Variants in GPHN observed in about 807,000 individuals in gnomAD.
GPHN encodes gephyrin.
GPHN carries 17 observed loss-of-function variants against 95.5 expected under a neutral mutation model. The ratio of observed to expected loss-of-function variants is 0.18; its 90% CI spans 0.12 to 0.27. GPHN has a LOEUF of 0.27. Ranked by LOEUF, GPHN falls within the 10% of genes least tolerant of loss-of-function variation. GPHN has a pLI of 1.00. For synonymous variants in GPHN, 320 were observed against 322.5 expected, an observed-to-expected ratio of 0.99 and a Z score of 0.08; for missense variants, 660 against 978.1, an observed-to-expected ratio of 0.67 and a Z score of 4.34.
chr14:67,184,232 A>T (rs772050471), downstream of GPHN, among the ~76,000 whole-genome samples: 3 of 152,244 alleles, frequency 2.0e-5, no homozygotes, highest in Non-Finnish European at 4.4e-5. Flanking sequence ...ATTAAAGTTA[A>T]TTTGGTATTA....
chr14:67,033,360 TC>T (rs1338793593), intron 10 of GPHN, among the ~76,000 whole-genome samples: 1 of 152,114 alleles, frequency 6.6e-6, no homozygotes, highest in Non-Finnish European at 1.5e-5. Context: ...GTCCAGGGAT[TC>T]GAGACTAGCC....
intron 11 of GPHN, among the ~76,000 whole-genome samples, chr14:67,086,141 T>C (rs911418839): frequency 5.3e-5 from 8 of 152,206 alleles, no homozygotes; most frequent in Non-Finnish European, 1.0e-4. Flanking sequence ...CACCATTGAT[T>C]ATTGTGGATA....
chr14:67,140,600 A>G (rs1047856160), intron 17 of GPHN, among the ~76,000 whole-genome samples: 3 of 152,184 alleles, frequency 2.0e-5, no homozygotes, highest in Non-Finnish European at 4.4e-5. Flanking sequence ...ATCTTTTTCT[A>G]CTAACATAAA....
chr14:67,349,100 T>C, the GPHN span: 2 of 1,613,940 alleles, frequency 1.2e-6, no homozygotes, highest in Non-Finnish European at 1.7e-6. Context: ...TGGATAACTG[T>C]AGTGCTGCAG....
At chr14:66,527,187 G>A (rs1027038177) in intron 1 of GPHN, among the ~76,000 whole-genome samples, 5 of 152,040 alleles carry the variant, frequency 3.3e-5, no homozygotes. Context: ...ACTTCTTTCT[G>A]GTTTAGACTT....
At chr14:67,524,628 C>T in the GPHN span, among the ~76,000 whole-genome samples, 1 of 152,228 alleles carries the variant, frequency 6.6e-6, no homozygotes, top group East Asian at 1.9e-4. Context: ...TTGAAAGTTG[C>T]GAGATGGGCT....
chr14:66,527,660 C>G (rs568543673), intron 1 of GPHN, among the ~76,000 whole-genome samples: 2 of 151,972 alleles, frequency 1.3e-5, no homozygotes, highest in Non-Finnish European at 2.9e-5. Flanking sequence ...GATTCTGGTA[C>G]GTTGTGTCTT....
At chr14:67,698,692 T>C in the GPHN span, among the ~76,000 whole-genome samples, 66 of 152,360 alleles carry the variant, frequency 4.3e-4, no homozygotes, top group African/African-American at 1.5e-3. Context: ...GGAGCTGTTA[T>C]ACTTCTCCTG....
chr14:67,186,177 T>A (rs993330124), downstream of GPHN, among the ~76,000 whole-genome samples: 7 of 152,120 alleles, frequency 4.6e-5, no homozygotes, highest in African/African-American at 1.4e-4. Flanking sequence ...GGCTCCATGT[T>A]AGGCACCGAG....
intron 18 of GPHN, among the ~76,000 whole-genome samples, chr14:67,152,636 C>T (rs1320310574): frequency 6.6e-6 from 1 of 152,168 alleles, no homozygotes; most frequent in Non-Finnish European, 1.5e-5. Flanking sequence ...ATTACATCTC[C>T]ACTGGGCAGA....
the GPHN span, among the ~76,000 whole-genome samples, chr14:67,367,844 AAAAG>A: frequency 1.3e-5 from 2 of 152,170 alleles, no homozygotes; most frequent in East Asian, 1.9e-4. Context: ...TCAAAAAAAA[AAAAG>A]AGAGAGGTGA....
At chr14:67,424,597 TAAA>T in the GPHN span, among the ~76,000 whole-genome samples, 4 of 124,890 alleles carry the variant, frequency 3.2e-5, no homozygotes, top group Non-Finnish European at 5.0e-5. Context: ...AGACGCTGTT[TAAA>T]AAAAAAAAAA....
intron 2 of GPHN, among the ~76,000 whole-genome samples, chr14:66,725,570 G>A (rs549913453): frequency 2.0e-5 from 3 of 152,164 alleles, no homozygotes; most frequent in South Asian, 4.2e-4. Context: ...TGAAACCTCC[G>A]CCTCCTGGGT....
intron 1 of GPHN, among the ~76,000 whole-genome samples, chr14:66,592,090 G>T (rs879510928): frequency 6.6e-6 from 1 of 152,146 alleles, no homozygotes; most frequent in Admixed American, 6.5e-5. Context: ...TGGGAAAACT[G>T]GCTAGCCATA....
At chr14:67,078,743 C>T (rs1016843190) in intron 11 of GPHN, among the ~76,000 whole-genome samples, 4 of 152,082 alleles carry the variant, frequency 2.6e-5, no homozygotes, top group African/African-American at 7.2e-5. Flanking sequence ...ATGAGAGATA[C>T]GGATATAGCA....
chr14:67,289,464 A>G, the GPHN span, among the ~76,000 whole-genome samples: 1 of 152,110 alleles, frequency 6.6e-6, no homozygotes, highest in Admixed American at 6.6e-5. Context: ...GAGCATCTGC[A>G]AATTTTTCTG....
rs1226158066 is a variant in GPHN at position 66,508,343 on chromosome 14, C to T, written c.-185C>T. 1.6e-5 allele frequency: 10 copies of T among 639,880 alleles called. No individual in the cohort carries two copies. The East Asian group carries it at 1.9e-4, about 12-fold the overall frequency. The allele number at this position is 639,880 out of a possible 1,614,324, so 39.6% of individuals were successfully genotyped here. A position where few individuals can be genotyped will look rare whatever the true frequency, so the allele number is the denominator to read the frequency against. On this transcript the variant is annotated 5_prime_UTR_variant, in exon 1 of 23. Transcript: ENST00000478722. ...CCCCTCCCGCGGACCCGCGCACTCC[C>T]GGCGCGGCCTCTCCCCCACGCAGGC... is the stretch of plus-strand genomic sequence containing the variant.
At chr14:66,801,774 T>G (rs1481144681) in intron 3 of GPHN, among the ~76,000 whole-genome samples, 2 of 144,550 alleles carry the variant, frequency 1.4e-5, no homozygotes, top group Admixed American at 1.4e-4. Flanking sequence ...TGTAACCACT[T>G]TCTGGCTACC....
chr14:66,938,578 T>C (rs2067243288), intron 8 of GPHN, among the ~76,000 whole-genome samples: 1 of 152,132 alleles, frequency 6.6e-6, no homozygotes, highest in Admixed American at 6.5e-5. Flanking sequence ...TCTAACTCAG[T>C]CCACTGTTTA....
Sources: allele counts gnomAD v4.1 joint callset (sites outside exome capture counted in the v4.1 genomes callset), GRCh38; gene constraint gnomAD v4.1.1; transcripts MANE v1.5; gene names NCBI Gene and HGNC (gene_info 2026-07-23, HGNC 2026-07-21).